Variants in SHISA9 observed in about 807,000 individuals in gnomAD.
SHISA9 encodes the protein shisa family member 9.
In SHISA9, 13 loss-of-function variants were observed where a neutral mutation model predicts 38.0. The observed-to-expected ratio is 0.34, with a 90% CI of 0.22 to 0.54. SHISA9 has a LOEUF of 0.54. SHISA9 is among the 20% of genes least tolerant of loss of function. The probability of loss-of-function intolerance (pLI) is 0.91; values close to 1 mark genes in which losing one functional copy is unlikely to be tolerated. For missense variants in SHISA9, 538 were observed against 575.8 expected, an observed-to-expected ratio of 0.93 and a Z score of 0.67; for synonymous variants, 275 against 242.0, an observed-to-expected ratio of 1.14 and a Z score of -1.27.
At position 12,913,507 on chromosome 16, in the gene SHISA9, A is replaced by G. The variant is rs538380051; in HGVS notation, c.564-3181A>G. On this transcript the variant is annotated intron_variant, in intron 1 of 4. Transcript: ENST00000558583. ...CCACTGCAACCAGCCCATTTTTGTC[A>G]TTACTTCTAATGGCAAAAGTTGCAA... is the stretch of plus-strand genomic sequence containing the variant. Among the ~76,000 whole-genome samples the G allele has an allele frequency of 4.8e-4, 73 of 152,246 alleles. 1 individual carries two copies. The highest frequency in any genetic ancestry group is 5.8e-4 in the East Asian group (3 of 5,184).
intron 2 of SHISA9, among the ~76,000 whole-genome samples, chr16:13,179,287 A>G (rs1438705): frequency 0.52 from 78,703 of 152,060 alleles, 21,446 homozygotes; most frequent in African/African-American, 0.7. Context: ...ACCCCAGCCC[A>G]GGTGACAGAG....
chr16:13,148,589 C>G (rs1466392646), intron 2 of SHISA9, among the ~76,000 whole-genome samples: 1 of 151,888 alleles, frequency 6.6e-6, no homozygotes, highest in Non-Finnish European at 1.5e-5. Flanking sequence ...TATCTATCAT[C>G]TATACCTATG....
chr16:13,513,029 A>T, the SHISA9 span, among the ~76,000 whole-genome samples: 3 of 152,202 alleles, frequency 2.0e-5, no homozygotes, highest in African/African-American at 7.2e-5. Context: ...TAAACTAAAG[A>T]GCTGCTGCAC....
the SHISA9 span, among the ~76,000 whole-genome samples, chr16:13,249,917 A>G: frequency 1.3e-5 from 2 of 152,080 alleles, no homozygotes; most frequent in Non-Finnish European, 2.9e-5. Flanking sequence ...ATTTTTTTGT[A>G]GAGCCAGGGT....
intron 3 of SHISA9, among the ~76,000 whole-genome samples, chr16:13,212,114 G>A (rs1309080937): frequency 6.6e-6 from 1 of 152,206 alleles, no homozygotes; most frequent in Non-Finnish European, 1.5e-5. Context: ...TTTAAATGGG[G>A]CCGGATCTGT....
chr16:13,280,117 C>CTTTTTTTTTTTTTT, the SHISA9 span, among the ~76,000 whole-genome samples: 29 of 102,820 alleles, frequency 2.8e-4, no homozygotes, highest in African/African-American at 5.7e-4. Flanking sequence ...CTCTCTTTCT[C>CTTTTTTTTTTTTTT]TTTTTTTTTT....
chr16:13,444,241 C>T, the SHISA9 span, among the ~76,000 whole-genome samples: 2 of 152,050 alleles, frequency 1.3e-5, no homozygotes, highest in African/African-American at 4.8e-5. Flanking sequence ...CGAGGTGGCA[C>T]GCACCTATAG....
chr16:13,223,143 A>G (rs946726015), intron 4 of SHISA9, among the ~76,000 whole-genome samples: 1 of 152,136 alleles, frequency 6.6e-6, no homozygotes, highest in Admixed American at 6.5e-5. Context: ...AAAGTCAGAC[A>G]TGGCTGGGTG....
intron 2 of SHISA9, among the ~76,000 whole-genome samples, chr16:13,146,251 C>G (rs1195155505): frequency 6.6e-6 from 1 of 152,214 alleles, no homozygotes; most frequent in Non-Finnish European, 1.5e-5. Context: ...TGCTGGAGGT[C>G]TCAGCCTAAT....
chr16:13,532,708 T>G, the SHISA9 span, among the ~76,000 whole-genome samples: 1 of 152,158 alleles, frequency 6.6e-6, no homozygotes, highest in South Asian at 2.1e-4. Context: ...TTTTCCTTCC[T>G]GCTTCCAACA....
At chr16:13,148,207 C>T (rs1207490467) in intron 2 of SHISA9, among the ~76,000 whole-genome samples, 1 of 152,084 alleles carries the variant, frequency 6.6e-6, no homozygotes, top group African/African-American at 2.4e-5. Context: ...ACATTTCCTA[C>T]ATGCATTTCC....
chr16:13,496,385 A>G, the SHISA9 span, among the ~76,000 whole-genome samples: 1 of 152,144 alleles, frequency 6.6e-6, no homozygotes, highest in Non-Finnish European at 1.5e-5. Context: ...TGATAACTCA[A>G]CCGTCATAAC....
chr16:13,274,746 C>T, the SHISA9 span, among the ~76,000 whole-genome samples: 2 of 152,110 alleles, frequency 1.3e-5, no homozygotes, highest in African/African-American at 4.8e-5. Context: ...TTCATGTTGC[C>T]TCGAAGCTGG....
the SHISA9 span, among the ~76,000 whole-genome samples, chr16:13,259,074 G>A: frequency 1.2e-3 from 176 of 152,192 alleles, 1 homozygote; most frequent in Admixed American, 1.3e-4. Context: ...CTGTAAAATC[G>A]AAAGCAAGCT....
chr16:13,347,860 C>T, the SHISA9 span, among the ~76,000 whole-genome samples: 2 of 151,638 alleles, frequency 1.3e-5, no homozygotes, highest in African/African-American at 4.9e-5. Context: ...AAGATGTCCA[C>T]ATCTTAATCC....
chr16:13,335,466 G>T, the SHISA9 span, among the ~76,000 whole-genome samples: 4 of 152,166 alleles, frequency 2.6e-5, no homozygotes, highest in South Asian at 8.3e-4. Flanking sequence ...TTAAACAAAG[G>T]TGCCCATATA....
the SHISA9 span, among the ~76,000 whole-genome samples, chr16:13,292,973 C>T: frequency 6.6e-6 from 1 of 152,150 alleles, no homozygotes; most frequent in Admixed American, 6.5e-5. Flanking sequence ...CAGATGGCTG[C>T]TCTCCATCAA....
chr16:13,372,904 T>G, the SHISA9 span, among the ~76,000 whole-genome samples: 76 of 109,654 alleles, frequency 6.9e-4, no homozygotes, highest in African/African-American at 2.4e-3. Flanking sequence ...ATATGAAATT[T>G]TAATGACATA....
At chr16:12,929,907 C>T (rs1596534978) in intron 2 of SHISA9, among the ~76,000 whole-genome samples, 1 of 152,330 alleles carries the variant, frequency 6.6e-6, no homozygotes, top group African/African-American at 2.4e-5. Context: ...CAGATCTTTG[C>T]AATGCTGGCT....
Sources: allele counts gnomAD v4.1 joint callset (sites outside exome capture counted in the v4.1 genomes callset), GRCh38; gene constraint gnomAD v4.1.1; transcripts MANE v1.5; gene names NCBI Gene and HGNC (gene_info 2026-07-23, HGNC 2026-07-21).